The following NTRK3 variants were observed in gnomAD, a reference collection of about 807,000 sequenced individuals.
NTRK3 encodes the protein neurotrophic receptor tyrosine kinase 3, also known as NT-3 growth factor receptor.
A neutral mutation model predicts 91.7 loss-of-function variants in NTRK3; 24 were observed. The observed-to-expected ratio is 0.26, with a 90% CI of 0.19 to 0.37. NTRK3 has a LOEUF of 0.37. Ranked by LOEUF, NTRK3 falls within the 10% of genes least tolerant of loss-of-function variation. NTRK3 has a pLI of 1.00. For synonymous variants in NTRK3, 483 were observed against 404.0 expected, an observed-to-expected ratio of 1.20 and a Z score of -2.34; for missense variants, 880 against 1,068.9, an observed-to-expected ratio of 0.82 and a Z score of 2.46.
chr15:88,047,538 T>C (rs771494624), intron 13 of NTRK3, among the ~76,000 whole-genome samples: 1 of 152,222 alleles, frequency 6.6e-6, no homozygotes, highest in Non-Finnish European at 1.5e-5. Context: ...TACTGATGTC[T>C]AGATCAGGTT....
intron 14 of NTRK3, among the ~76,000 whole-genome samples, chr15:87,963,458 C>A (rs2072492397): frequency 6.6e-6 from 1 of 152,098 alleles, no homozygotes; most frequent in South Asian, 2.1e-4. Flanking sequence ...ATGGACAGTC[C>A]CCCACTGAAC....
intron 13 of NTRK3, among the ~76,000 whole-genome samples, chr15:88,076,454 T>C (rs902086389): frequency 6.6e-6 from 1 of 152,136 alleles, no homozygotes; most frequent in Admixed American, 6.5e-5. Context: ...TCCTGACCCC[T>C]CACTACATCA....
At chr15:88,129,338 A>G (rs2053594785) in intron 10 of NTRK3, among the ~76,000 whole-genome samples, 2 of 152,334 alleles carry the variant, frequency 1.3e-5, no homozygotes, top group South Asian at 4.1e-4. Context: ...ATGGTGTTAA[A>G]TGCTTCATGT....
At chr15:87,932,978 G>C (rs2141952952) in intron 16 of NTRK3, 34 bp downstream of exon 16, 1 of 1,612,214 alleles carries the variant, frequency 6.2e-7, no homozygotes, top group South Asian at 1.1e-5. Flanking sequence ...GGTGGGACTG[G>C]GGTCAGGTGC....
intron 14 of NTRK3, among the ~76,000 whole-genome samples, chr15:87,971,028 A>G (rs1231050554): frequency 6.6e-6 from 1 of 152,222 alleles, no homozygotes; most frequent in Non-Finnish European, 1.5e-5. Flanking sequence ...GCCATTTGGT[A>G]TCAGAGGTAC....
intron 13 of NTRK3, among the ~76,000 whole-genome samples, chr15:88,042,136 G>A (rs993509638): frequency 6.6e-6 from 1 of 152,118 alleles, no homozygotes; most frequent in Non-Finnish European, 1.5e-5. Context: ...CCTGGTGGGC[G>A]AGAGCTTCGC....
intron 3 of NTRK3, among the ~76,000 whole-genome samples, chr15:88,213,698 T>A (rs77938693): frequency 0.027 from 4,180 of 152,248 alleles, 219 homozygotes; most frequent in African/African-American, 0.095. Context: ...GCGAGGTAAA[T>A]GCTAATACTA....
chr15:88,227,977 C>G (rs1369546516), intron 3 of NTRK3, among the ~76,000 whole-genome samples: 1 of 152,206 alleles, frequency 6.6e-6, no homozygotes. Flanking sequence ...TCAGCCCTCA[C>G]CTCTAGACAC....
intron 3 of NTRK3, among the ~76,000 whole-genome samples, chr15:88,214,204 TTG>T (rs2049520138): frequency 6.6e-6 from 1 of 152,058 alleles, no homozygotes; most frequent in South Asian, 2.1e-4. Flanking sequence ...ACAAATGAAA[TTG>T]TCTCACAGTC....
intron 14 of NTRK3, among the ~76,000 whole-genome samples, chr15:88,001,796 T>C (rs796559961): frequency 6.6e-6 from 1 of 152,126 alleles, no homozygotes; most frequent in African/African-American, 2.4e-5. Context: ...TTCTTCTTTT[T>C]CAGGTTTGTT....
chr15:87,871,482 G>T (rs1205994550), exon 19 of NTRK3: 2 of 230,558 alleles, frequency 8.7e-6, no homozygotes, highest in Non-Finnish European at 1.7e-5. Flanking sequence ...GGTTTTCCCT[G>T]CAGTGCTGGT....
At chr15:88,023,081 A>G (rs916642186) in intron 14 of NTRK3, among the ~76,000 whole-genome samples, 3 of 152,122 alleles carry the variant, frequency 2.0e-5, no homozygotes, top group Non-Finnish European at 4.4e-5. Context: ...GGAATGGGGG[A>G]AAAATGTCAA....
At chr15:88,187,182 A>G (rs532918910) in intron 3 of NTRK3, among the ~76,000 whole-genome samples, 1 of 152,308 alleles carries the variant, frequency 6.6e-6, no homozygotes, top group East Asian at 1.9e-4. Flanking sequence ...TGTCTCAGCA[A>G]TCATTGATAA....
intron 12 of NTRK3, 78 bp downstream of exon 12, chr15:88,127,084 G>GA: frequency 7.9e-7 from 1 of 1,270,320 alleles, no homozygotes; most frequent in Non-Finnish European, 1.1e-6. Flanking sequence ...ATAATATTTG[G>GA]AAAAGTTAGC....
chr15:87,911,499 G>T (rs746908903), intron 17 of NTRK3, among the ~76,000 whole-genome samples: 1 of 152,174 alleles, frequency 6.6e-6, no homozygotes, highest in Non-Finnish European at 1.5e-5. Flanking sequence ...CCACTATCTT[G>T]TAGGACGGTC....
At chr15:88,252,877 A>G (rs2053571127) in intron 3 of NTRK3, 1 of 152,282 alleles carries the variant, frequency 6.6e-6, no homozygotes, top group South Asian at 2.1e-4. Context: ...TCCTCCAGAT[A>G]CAAACAGGGC....
At chr15:87,867,541 G>A in exon 19 of NTRK3, 1 of 230,244 alleles carries the variant, frequency 4.3e-6, no homozygotes, top group East Asian at 6.1e-5. Context: ...ATGAGAAACA[G>A]ATTGGCTTGC....
intron 3 of NTRK3, among the ~76,000 whole-genome samples, chr15:88,206,148 G>T (rs1488462582): frequency 2.7e-5 from 4 of 149,680 alleles, no homozygotes; most frequent in African/African-American, 9.8e-5. Context: ...GACCATCCTG[G>T]CTAACACGGT....
At chr15:88,108,801 T>A (rs1340536104) in intron 13 of NTRK3, among the ~76,000 whole-genome samples, 2 of 152,188 alleles carry the variant, frequency 1.3e-5, no homozygotes, top group Non-Finnish European at 2.9e-5. Context: ...CAGCCTCATA[T>A]AAGGAGCTTG....
Sources: allele counts gnomAD v4.1 joint callset (sites outside exome capture counted in the v4.1 genomes callset), GRCh38; gene constraint gnomAD v4.1.1; transcripts MANE v1.5; gene names NCBI Gene and HGNC (gene_info 2026-07-23, HGNC 2026-07-21).